Variants in RNF17 observed in about 807,000 individuals in gnomAD.
RNF17 encodes the protein spermatogenesis associated 23.
RNF17 carries 31 observed loss-of-function variants against 200.5 expected under a neutral mutation model. That is an observed-to-expected ratio of 0.15 (90% CI 0.12 to 0.21). The LOEUF (loss-of-function observed/expected upper bound fraction) is 0.21. Among genes scored for constraint, RNF17 ranks in the 10% least tolerant of loss-of-function variants. The probability of loss-of-function intolerance (pLI) is 1.00; values close to 1 mark genes in which losing one functional copy is unlikely to be tolerated. For missense variants in RNF17, 1,628 were observed against 1,905.1 expected, an observed-to-expected ratio of 0.85 and a Z score of 2.71; for synonymous variants, 606 against 637.8, an observed-to-expected ratio of 0.95 and a Z score of 0.75.
the RNF17 span, among the ~76,000 whole-genome samples, chr13:24,759,096 A>C: frequency 6.6e-6 from 1 of 151,664 alleles, no homozygotes; most frequent in Non-Finnish European, 1.5e-5. Flanking sequence ...AAAAAAAAAA[A>C]AAAAAAACAA....
chr13:24,797,655 A>G (rs942585579), intron 11 of RNF17, among the ~76,000 whole-genome samples: 6 of 151,032 alleles, frequency 4.0e-5, no homozygotes, highest in Non-Finnish European at 7.4e-5. Context: ...TGGTGTGTCT[A>G]CATTGTCCCA....
At chr13:24,790,784 T>TA (rs1331659588) in intron 9 of RNF17, among the ~76,000 whole-genome samples, 1 of 152,024 alleles carries the variant, frequency 6.6e-6, no homozygotes, top group Non-Finnish European at 1.5e-5. Flanking sequence ...TGGAAGAGCA[T>TA]AAAAGGGACA....
chr13:24,764,888 G>GGT (rs57755622), intron 1 of RNF17, among the ~76,000 whole-genome samples: 4,202 of 134,098 alleles, frequency 0.031, 82 homozygotes, highest in African/African-American at 0.063. Context: ...CACCTTGTGG[G>GGT]GTGTGTGTGT....
At chr13:24,760,145 A>T (rs539190702), upstream of RNF17, among the ~76,000 whole-genome samples, 65 of 152,208 alleles carry the variant, frequency 4.3e-4, no homozygotes, top group Non-Finnish European at 8.2e-4. Flanking sequence ...CATCTCAAAA[A>T]ATATATATAT....
intron 30 of RNF17, 41 bp from the exon 31 acceptor site, chr13:24,868,552 AGATTTTT>A (rs1893921698): frequency 1.2e-6 from 1 of 867,036 alleles, no homozygotes; most frequent in African/African-American, 1.7e-5. Flanking sequence ...ATAATGTAAT[AGATTTTT>A]GTCCTTATTC....
rs60054136 is a variant in RNF17 at position 24,815,428 on chromosome 13, GGTGTGTGT to G, written c.2092-10152_2092-10145del. 8.8e-3 allele frequency among the ~76,000 whole-genome samples: 1,263 copies of G among 144,174 alleles called. 8 individuals carry two copies. The highest frequency in any genetic ancestry group is 0.033 in the South Asian group (148 of 4,432). The allele number at this position is 144,174 out of a possible 152,430, so 94.6% of individuals were successfully genotyped here. Reference sequence around the variant, plus strand: ...TGAATTAATTTGGTAGCCCTAACGGGGTGTGTGTGTGTGTGTGTGTGTGTGTGTGTGTG... The same window carrying G: ...TGAATTAATTTGGTAGCCCTAACGGGGTGTGTGTGTGTGTGTGTGTGTGTG... On this transcript the variant is annotated intron_variant, in intron 15 of 35. Coordinates refer to ENST00000255324, the MANE Select transcript of RNF17 (RefSeq NM_031277.3).
intron 26 of RNF17, 71 bp from the exon 27 acceptor site, chr13:24,861,197 C>T (rs1486630577): frequency 7.5e-7 from 1 of 1,329,844 alleles, no homozygotes; most frequent in Non-Finnish European, 1.0e-6. Context: ...TTTCTAATAA[C>T]AGGAAATTCC....
intron 2 of RNF17, among the ~76,000 whole-genome samples, chr13:24,769,821 TTTG>T (rs1298262012): frequency 2.0e-5 from 3 of 152,166 alleles, no homozygotes; most frequent in Non-Finnish European, 4.4e-5. Context: ...TAGGTATCCT[TTTG>T]TTCTTATTTC....
intron 5 of RNF17, among the ~76,000 whole-genome samples, chr13:24,780,195 T>A (rs1367973474): frequency 6.6e-6 from 1 of 152,214 alleles, no homozygotes; most frequent in Non-Finnish European, 1.5e-5. Context: ...GATTATGTTG[T>A]GGCTGCTTTT....
At chr13:24,837,577 A>C in intron 18 of RNF17, among the ~76,000 whole-genome samples, 1 of 152,202 alleles carries the variant, frequency 6.6e-6, no homozygotes, top group Non-Finnish European at 1.5e-5. Flanking sequence ...ATGGAAATTA[A>C]CCTGCTCCTG....
chr13:24,824,308 G>A, intron 15 of RNF17: 1 of 651,874 alleles, frequency 1.5e-6, no homozygotes, highest in Admixed American at 2.5e-5. Context: ...TTCCTCTGCT[G>A]AATTTTTAAA....
chr13:24,832,220 G>A (rs1889492945), intron 18 of RNF17, among the ~76,000 whole-genome samples: 1 of 152,134 alleles, frequency 6.6e-6, no homozygotes. Context: ...CTAAAGCCAG[G>A]AATTAGCTTC....
Position 24,854,031 on chromosome 13 carries a change from C to T in RNF17, c.3497C>T (p.Pro1166Leu). ...VSEFQEKILE[P>L]RTTRGYKPPA... Reference sequence around the variant, plus strand: ...GAATTTCAGGAGAAAATTCTAGAACCAAGAACCACTAGAGGGTATAAGCCA... The same window carrying T: ...GAATTTCAGGAGAAAATTCTAGAACTAAGAACCACTAGAGGGTATAAGCCA... The change falls in exon 25 of 36, where the codon CCA becomes CTA. Residue 1166 changes from proline (P) to leucine (L), a missense_variant. Pro to Leu is a moderately conservative substitution (Grantham distance 98). Transcript: ENST00000255324. 6.2e-7 allele frequency: 1 copy of T among 1,613,998 alleles called. No homozygotes were observed. Among genetic ancestry groups the T allele is most frequent in the Non-Finnish European group, 8.5e-7 (1 of 1,179,934 alleles).
intron 15 of RNF17, among the ~76,000 whole-genome samples, chr13:24,819,168 C>T (rs957219789): frequency 2.6e-5 from 4 of 152,232 alleles, no homozygotes; most frequent in South Asian, 2.1e-4. Context: ...AAACTATACT[C>T]GTTAAACAAC....
intron 11 of RNF17, among the ~76,000 whole-genome samples, chr13:24,797,912 A>T (rs1171916970): frequency 6.6e-6 from 1 of 152,122 alleles, no homozygotes; most frequent in African/African-American, 2.4e-5. Context: ...AACTATACAA[A>T]TACATGACAA....
At chr13:24,766,403 A>G (rs1879702101) in intron 1 of RNF17, among the ~76,000 whole-genome samples, 1 of 152,248 alleles carries the variant, frequency 6.6e-6, no homozygotes, top group Non-Finnish European at 1.5e-5. Context: ...ATAAACTTCA[A>G]ATTCTTAGAG....
intron 16 of RNF17, chr13:24,826,189 T>C: frequency 1.5e-6 from 1 of 652,492 alleles, no homozygotes; most frequent in South Asian, 6.9e-5. Flanking sequence ...ACTGAACTGC[T>C]AGTTTTCTCG....
At chr13:24,884,330 T>C, downstream of RNF17, 1 of 1,614,186 alleles carries the variant, frequency 6.2e-7, no homozygotes, top group South Asian at 1.1e-5. Flanking sequence ...TACCACTCTT[T>C]GGTCTGGCAT....
chr13:24,882,874 G>GTT, downstream of RNF17: 1 of 360,490 alleles, frequency 2.8e-6, no homozygotes, highest in Non-Finnish European at 5.2e-6. Context: ...GTACTTCTTG[G>GTT]TTTTTTTTTA....
Sources: allele counts gnomAD v4.1 joint callset (sites outside exome capture counted in the v4.1 genomes callset), GRCh38; gene constraint gnomAD v4.1.1; transcripts MANE v1.5; gene names NCBI Gene and HGNC (gene_info 2026-07-23, HGNC 2026-07-21).